The following DNAH17 variants were observed in gnomAD, a reference collection of about 807,000 sequenced individuals.
DNAH17 encodes axonemal beta dynein heavy chain 17.
In DNAH17, 376 loss-of-function variants were observed where a neutral mutation model predicts 485.6. That is an observed-to-expected ratio of 0.77 (90% confidence interval 0.71 to 0.84). The LOEUF (loss-of-function observed/expected upper bound fraction) is 0.84, where lower values mean the gene tolerates loss of function less well. DNAH17 is among the 40% of genes least tolerant of loss of function. The pLI is 0.00. For synonymous variants in DNAH17, 3,031 were observed against 2,405.9 expected, an observed-to-expected ratio of 1.26 and a Z score of -7.60; for missense variants, 6,370 against 5,839.3, an observed-to-expected ratio of 1.09 and a Z score of -2.96.
At chr17:78,552,188 CCA>C (rs1240568836) in intron 15 of DNAH17, among the ~76,000 whole-genome samples, 4 of 152,150 alleles carry the variant, frequency 2.6e-5, no homozygotes, top group Non-Finnish European at 5.9e-5. Context: ...CGTAGGAGCC[CCA>C]GACTCCTCAC....
Position 78,486,208 on chromosome 17 carries a change from C to A in DNAH17, c.7101+16G>T. The A allele has an allele frequency of 2.5e-6, 4 of 1,585,318 alleles. No homozygotes were observed. Among genetic ancestry groups the A allele is most frequent in the Non-Finnish European group, 3.4e-6 (4 of 1,164,164 alleles). ...AGAGACCCTGTGTGGGTGGCCGGGC[C>A]CCCCAGGTGCATCACCTGGTCCTGG... On this transcript the variant is annotated intron_variant, in intron 45 of 80. Coordinates refer to ENST00000389840, the MANE Select transcript of DNAH17 (RefSeq NM_173628.4).
chr17:78,532,170 A>G (rs1445927418), intron 20 of DNAH17, among the ~76,000 whole-genome samples: 1 of 151,838 alleles, frequency 6.6e-6, no homozygotes, highest in Non-Finnish European at 1.5e-5. Context: ...TAAGCCTGTG[A>G]CCTCTGCCCA....
In DNAH17 at chr17:78,427,071, G is replaced by A. The variant is rs776126591; in HGVS notation, c.12626C>T (p.Pro4209Leu). ...AVLDDILEKI[P>L]ETFNMAEIMA... is the part of the protein sequence containing the mutation. ...GATCTCAGCCATGTTGAAAGTCTCC[G>A]GAATCTTCTCCAGGATGTCGTCCAG... The change falls in exon 78 of 81, where the codon CCG becomes CTG. Residue 4209 changes from proline to leucine, a missense_variant. By Grantham distance (98) the Pro-to-Leu change is moderately conservative. Transcript: ENST00000389840. The A allele has an allele frequency of 1.5e-5, 24 of 1,590,834 alleles. No homozygotes were observed. Among genetic ancestry groups the A allele is most frequent in the East Asian group, 6.9e-5 (3 of 43,772 alleles).
chr17:78,425,430 A>G lies in DNAH17; in HGVS notation c.13057T>C (p.Ser4353Pro). ...CGGTTTTTCTTGGTCACCTCGACAG[A>G]CAGACACATCTTGTCCAGGGGCCAC... Reference protein sequence around the residue: ...NEWPLDKMCLSVEVTKKNRED... With the variant: ...NEWPLDKMCLPVEVTKKNRED... Residue 4353 changes from serine (S) to proline (P), a missense_variant, in exon 80 of 81, where the codon TCT (serine) becomes CCT (proline). Physicochemically the swap from Ser to Pro is moderately conservative, Grantham distance 74. Coordinates refer to ENST00000389840, the MANE Select transcript of DNAH17 (RefSeq NM_173628.4). 1 of 1,613,988 alleles carries G rather than the reference A, an allele frequency of 6.2e-7. No individual in the cohort carries two copies. The highest frequency in any genetic ancestry group is 2.2e-5 in the East Asian group (1 of 44,876).
chr17:78,572,835 C>T lies in DNAH17; in HGVS notation c.405G>A (p.Ser135=), dbSNP rs762717356. 55 of 1,613,804 alleles carry T rather than the reference C, an allele frequency of 3.4e-5. No individual in the cohort carries two copies. The highest frequency in any genetic ancestry group is 3.3e-4 in the Middle Eastern group (2 of 6,084). Residue 135 remains serine (S), a synonymous_variant, in exon 3 of 81, where the codon TCG becomes TCA. Coordinates refer to ENST00000389840, the MANE Select transcript of DNAH17 (RefSeq NM_173628.4). The part of the protein sequence containing the change: ...ENMAGWPQVV[S]EDIVKQVHRL... ...TGTGGACCTGCTTCACGATGTCTTC[C>T]GAGACCACCTGGGGCCATCCAGCCA...
intron 36 of DNAH17, 159 bp downstream of exon 36, chr17:78,500,143 GGGA>G (rs1259466180): frequency 4.0e-6 from 3 of 753,644 alleles, no homozygotes. Context: ...CCACCTGAGG[GGGA>G]TGCTACCAGC....
chr17:78,466,849 T>A (rs780851961), intron 55 of DNAH17, 33 bp from the exon 56 acceptor site: 4 of 1,526,048 alleles, frequency 2.6e-6, no homozygotes, highest in Non-Finnish European at 3.5e-6. Context: ...CGCTGCCTAC[T>A]GGGACTGCAG....
At chr17:78,494,902 G>A in intron 39 of DNAH17, 57 bp downstream of exon 39, 1 of 1,581,836 alleles carries the variant, frequency 6.3e-7, no homozygotes, top group Non-Finnish European at 8.6e-7. Context: ...AACCCTGGCT[G>A]CTGCCCGCAT....
At chr17:78,526,855 C>T (rs776372159) in intron 23 of DNAH17, 25 bp downstream of exon 23, 21 of 1,558,454 alleles carry the variant, frequency 1.3e-5, no homozygotes, top group East Asian at 4.8e-5. Context: ...CCGGAAATCC[C>T]GCCACCCTGC....
At position 78,494,959 on chromosome 17, in the gene DNAH17, C is replaced by T. The variant is rs1405575057; in HGVS notation, c.6042G>A (p.Gln2014=). Residue 2014 remains glutamine (Q), a splice_region_variant and synonymous_variant, in exon 39 of 81, where the codon CAG becomes CAA. Transcript: ENST00000389840. ...YTLCKELLSK[Q]DHYDWGLRAI... Reference sequence around the variant, plus strand: ...GCCGTGAGCTCCAGGACACACACACCTGCTTCGAGAGCAGCTCCTTGCACA... The same window carrying T: ...GCCGTGAGCTCCAGGACACACACACTTGCTTCGAGAGCAGCTCCTTGCACA... 1 of 1,610,938 alleles carries T rather than the reference C, an allele frequency of 6.2e-7. No individual in the cohort carries two copies. The highest frequency in any genetic ancestry group is 1.7e-5 in the Admixed American group (1 of 59,916).
At chr17:78,552,027 CTA>C (rs1286303381) in intron 15 of DNAH17, among the ~76,000 whole-genome samples, 1 of 151,880 alleles carries the variant, frequency 6.6e-6, no homozygotes, top group Non-Finnish European at 1.5e-5. Context: ...ACACTCATCA[CTA>C]TGAGACAGCC....
At chr17:78,567,282 G>T in intron 9 of DNAH17, 116 bp from the exon 10 acceptor site, 1 of 1,054,404 alleles carries the variant, frequency 9.5e-7, no homozygotes, top group Non-Finnish European at 1.4e-6. Context: ...GTCCCCAGGA[G>T]ACACCAACCA....
intron 10 of DNAH17, 119 bp downstream of exon 10, chr17:78,566,880 G>A (rs2092275941): frequency 2.2e-6 from 3 of 1,368,008 alleles, no homozygotes; most frequent in Non-Finnish European, 2.0e-6. Context: ...TTTTCAAAGT[G>A]TTGGGATCAC....
Position 78,467,746 on chromosome 17 carries a change from G to A in DNAH17, c.8778+871C>T, listed in dbSNP as rs541365775. Among the ~76,000 whole-genome samples, 5 of 152,250 alleles carry A rather than the reference G, an allele frequency of 3.3e-5. No individual in the cohort carries two copies. In the South Asian group the frequency reaches 8.3e-4, roughly 25 times the overall value. Reference sequence around the variant, plus strand: ...GCCTGCTTACCCTAGAGGTGATGTCGAAAATCAAGGTGTGGCCAGGCAGCA... The same window carrying A: ...GCCTGCTTACCCTAGAGGTGATGTCAAAAATCAAGGTGTGGCCAGGCAGCA... On this transcript the variant is annotated intron_variant, in intron 55 of 80. Transcript: ENST00000389840.
chr17:78,502,136 A>G lies in DNAH17; in HGVS notation c.5191-263T>C, dbSNP rs940128215. The G allele has an allele frequency of 8.5e-5, 43 of 504,536 alleles. No individual in the cohort carries two copies. In the East Asian group the frequency reaches 1.1e-3, roughly 13 times the overall value. The allele number at this position is 504,536 out of a possible 1,614,324, so 31.3% of individuals were successfully genotyped here. A position where few individuals can be genotyped will look rare whatever the true frequency, so the allele number is the denominator to read the frequency against. On this transcript the variant is annotated intron_variant, in intron 33 of 80. Coordinates refer to ENST00000389840, the MANE Select transcript of DNAH17 (RefSeq NM_173628.4). ...GAGAGGGTGGATGAGAAGCAAAAAC[A>G]GCTGACTTTAACGCCATCCAGAGTC...
At chr17:78,496,247 C>T (rs2090066264) in intron 37 of DNAH17, among the ~76,000 whole-genome samples, 1 of 152,082 alleles carries the variant, frequency 6.6e-6, no homozygotes, top group Non-Finnish European at 1.5e-5. Flanking sequence ...CACAGTGGCT[C>T]ACACCTGTAA....
At chr17:78,508,696 G>T (rs2090554332) in intron 27 of DNAH17, among the ~76,000 whole-genome samples, 1 of 152,166 alleles carries the variant, frequency 6.6e-6, no homozygotes, top group Admixed American at 6.5e-5. Context: ...TGGAGATGGG[G>T]ACATGTGAGA....
Position 78,455,684 on chromosome 17 carries a change from A to G in DNAH17, c.10130T>C (p.Leu3377Pro). ...GTAAGGGATCCAGAATTTCTCCATC[A>G]GCTCATTCCGGTATTTCTTGGTGAA... ...GYFTKKYRNE[L>P]MEKFWIPYIH... Residue 3377 changes from leucine (L) to proline (P), a missense_variant, in exon 63 of 81, where the codon CTG becomes CCG. Leu to Pro is a moderately conservative substitution (Grantham distance 98). Coordinates refer to ENST00000389840, the MANE Select transcript of DNAH17 (RefSeq NM_173628.4). The G allele has an allele frequency of 6.3e-7, 1 of 1,575,208 alleles. No individual in the cohort carries two copies. The highest frequency in any genetic ancestry group is 8.6e-7 in the Non-Finnish European group (1 of 1,160,896).
chr17:78,529,790 G>C, intron 21 of DNAH17, 96 bp from the exon 22 acceptor site: 1 of 1,257,492 alleles, frequency 8.0e-7, no homozygotes, highest in South Asian at 1.4e-5. Flanking sequence ...CCGCGGTGAG[G>C]TCAACTGGCC....
Sources: allele counts gnomAD v4.1 joint callset (sites outside exome capture counted in the v4.1 genomes callset), GRCh38; gene constraint gnomAD v4.1.1; transcripts MANE v1.5; gene names NCBI Gene and HGNC (gene_info 2026-07-23, HGNC 2026-07-21).